Variants in RPIA observed in about 807,000 individuals in gnomAD.
RPIA encodes ribose 5-phosphate isomerase A.
In RPIA, 29 loss-of-function variants were observed where a neutral mutation model predicts 37.8. The ratio of observed to expected loss-of-function variants is 0.77; its 90% CI spans 0.57 to 1.05. The LOEUF (loss-of-function observed/expected upper bound fraction) is 1.05, where lower values mean the gene tolerates loss of function less well. RPIA is among the 50% of genes least tolerant of loss of function. The probability of loss-of-function intolerance (pLI) is 0.00; values close to 1 mark genes in which losing one functional copy is unlikely to be tolerated. For missense variants in RPIA, 385 were observed against 413.6 expected (o/e 0.93, Z 0.60); for synonymous variants, 167 against 157.0 (o/e 1.06, Z -0.48).
intron 3 of RPIA, among the ~76,000 whole-genome samples, chr2:88,711,695 A>G (rs1672963709): frequency 6.6e-6 from 1 of 152,248 alleles, no homozygotes; most frequent in Non-Finnish European, 1.5e-5. Flanking sequence ...TACAAGAGAC[A>G]GCTTTACTGG....
At chr2:88,724,149 G>A (rs769622452) in intron 3 of RPIA, among the ~76,000 whole-genome samples, 8 of 152,144 alleles carry the variant, frequency 5.3e-5, no homozygotes, top group Non-Finnish European at 4.4e-5. Flanking sequence ...TTGGGGAAAA[G>A]GGAAAAGGAA....
chr2:88,693,288 G>A (rs754354026), intron 1 of RPIA, among the ~76,000 whole-genome samples: 5 of 152,138 alleles, frequency 3.3e-5, no homozygotes, highest in Non-Finnish European at 7.4e-5. Context: ...TCATGTATTT[G>A]ATTAAATAAA....
intron 1 of RPIA, among the ~76,000 whole-genome samples, chr2:88,696,557 T>A (rs1204519111): frequency 1.3e-5 from 2 of 151,862 alleles, no homozygotes; most frequent in Admixed American, 1.3e-4. Flanking sequence ...ATATTGTATA[T>A]CTTGTATATA....
At position 88,704,347 on chromosome 2, in the gene RPIA, C is replaced by T. The variant is rs534618623; in HGVS notation, c.402+4283C>T. Among the ~76,000 whole-genome samples, 4 of 152,312 alleles carry T rather than the reference C, an allele frequency of 2.6e-5. No homozygotes were observed. The East Asian group carries it at 5.8e-4, about 22-fold the overall frequency. On this transcript the variant is annotated intron_variant, in intron 3 of 8. Coordinates refer to ENST00000283646, the MANE Select transcript of RPIA (RefSeq NM_144563.3). ...AGGTTTAATTGGACTTGCAGTTCCA[C>T]GTGGCTGGGGAAGCCTCACAATCAT... is the stretch of plus-strand genomic sequence containing the variant.
chr2:88,691,803 C>A lies in RPIA; in HGVS notation c.105C>A (p.Asp35Glu). 6.3e-7 allele frequency: 1 copy of A among 1,594,982 alleles called. No individual in the cohort carries two copies. The highest frequency in any genetic ancestry group is 8.5e-7 in the Non-Finnish European group (1 of 1,173,250). ...CCGGCGGAGGAGGGAACAGCTGGGA[C>A]CTCCCGGGTTCCCACGTGCGGCTGC... ...AASGGGGNSW[D>E]LPGSHVRLPG... Residue 35 changes from aspartate to glutamate, a missense_variant, in exon 1 of 9, where the codon GAC becomes GAA. By Grantham distance (45) the Asp-to-Glu change is conservative. Transcript: ENST00000283646.
chr2:88,729,367 G>C lies in RPIA; in HGVS notation c.462+30G>C, dbSNP rs1573474363. ...GATTGCCACTCAGAGGCAGACCACT[G>C]CGTATTTCTTTCCGCTTTTTTATGG... On this transcript the variant is annotated intron_variant, in intron 4 of 8. Coordinates refer to ENST00000283646, the MANE Select transcript of RPIA (RefSeq NM_144563.3). 5 of 1,605,810 alleles carry C rather than the reference G, an allele frequency of 3.1e-6. No homozygotes were observed. In the East Asian group the frequency reaches 1.1e-4, roughly 36 times the overall value.
At chr2:88,724,784 C>T (rs1214196605) in intron 3 of RPIA, among the ~76,000 whole-genome samples, 1 of 152,146 alleles carries the variant, frequency 6.6e-6, no homozygotes, top group Non-Finnish European at 1.5e-5. Flanking sequence ...AGGTAAAGTA[C>T]CTGAAAGCCA....
chr2:88,742,932 A>G (rs540414090), intron 8 of RPIA, among the ~76,000 whole-genome samples: 1 of 152,152 alleles, frequency 6.6e-6, no homozygotes, highest in Non-Finnish European at 1.5e-5. Context: ...TATCAGATCT[A>G]AGAGCTTTTT....
At chr2:88,741,709 A>ATTCCCTTTT (rs916243921) in intron 8 of RPIA, among the ~76,000 whole-genome samples, 2 of 152,182 alleles carry the variant, frequency 1.3e-5, no homozygotes, top group African/African-American at 2.4e-5. Flanking sequence ...GTGTGAAAGT[A>ATTCCCTTTT]TTCCCTTTTC....
chr2:88,720,072 T>C (rs1673100408), intron 3 of RPIA, among the ~76,000 whole-genome samples: 1 of 152,170 alleles, frequency 6.6e-6, no homozygotes, highest in Non-Finnish European at 1.5e-5. Flanking sequence ...GATTGGCATC[T>C]TCTATGGGGC....
chr2:88,744,418 G>A (rs1466381345), intron 8 of RPIA, among the ~76,000 whole-genome samples: 1 of 151,988 alleles, frequency 6.6e-6, no homozygotes, highest in Non-Finnish European at 1.5e-5. Flanking sequence ...TTGTTTTGTA[G>A]CCTGTCATGT....
Position 88,750,632 on chromosome 2 carries a change from G to A in RPIA, c.*554G>A. On this transcript the variant is annotated 3_prime_UTR_variant, in exon 9 of 9. Transcript: ENST00000283646. Reference sequence around the variant, plus strand: ...GTTTATAAAACTGTGGAGTGGAGCGGTATGGTATGGAATGACTTGGAATGT... The same window carrying A: ...GTTTATAAAACTGTGGAGTGGAGCGATATGGTATGGAATGACTTGGAATGT... 1 of 403,278 alleles carries A rather than the reference G, an allele frequency of 2.5e-6. No individual in the cohort carries two copies. The highest frequency in any genetic ancestry group is 3.5e-5 in the East Asian group (1 of 28,178). 25.0% of individuals were successfully genotyped at this position (403,278 alleles called of 1,614,324 possible).
Position 88,691,682 on chromosome 2 carries a change from C to T in RPIA, c.-17C>T, listed in dbSNP as rs776488875. ...CCGGGGGCGGGACTTCAGCGGAGGC[C>T]GGAGCGAGGCGTCGGGATGCAGCGC... On this transcript the variant is annotated 5_prime_UTR_variant, in exon 1 of 9. Transcript: ENST00000283646. 4 of 1,567,356 alleles carry T rather than the reference C, an allele frequency of 2.6e-6. No homozygotes were observed. The highest frequency in any genetic ancestry group is 2.6e-6 in the Non-Finnish European group (3 of 1,165,864).
At chr2:88,718,710 C>G (rs749476704) in intron 3 of RPIA, among the ~76,000 whole-genome samples, 2 of 152,092 alleles carry the variant, frequency 1.3e-5, no homozygotes, top group African/African-American at 4.8e-5. Context: ...TGCCCCATTA[C>G]GAATGAAAAC....
intron 3 of RPIA, among the ~76,000 whole-genome samples, chr2:88,712,104 G>A (rs886167809): frequency 2.0e-5 from 3 of 152,186 alleles, no homozygotes; most frequent in Admixed American, 2.0e-4. Context: ...TGATTTTCAG[G>A]TTTTCTTTGG....
intron 3 of RPIA, among the ~76,000 whole-genome samples, chr2:88,721,892 A>G (rs1673136369): frequency 6.6e-6 from 1 of 151,484 alleles, no homozygotes; most frequent in Non-Finnish European, 1.5e-5. Context: ...TTAGTATATA[A>G]ATGGTTTTTT....
At chr2:88,727,166 C>G (rs1250007537) in intron 3 of RPIA, among the ~76,000 whole-genome samples, 2 of 152,212 alleles carry the variant, frequency 1.3e-5, no homozygotes, top group Admixed American at 1.3e-4. Flanking sequence ...GCAGCCTTAC[C>G]CCTGCCCTCC....
rs1573471902 is a variant in RPIA, at chr2:88,724,089, G to A, written c.403-5189G>A. Among the ~76,000 whole-genome samples, 6 of 152,122 alleles carry A rather than the reference G, an allele frequency of 3.9e-5. No individual in the cohort carries two copies. The East Asian group carries it at 1.2e-3, about 29-fold the overall frequency. ...GCCCTAAGCAGTTCCCACCTTGATT[G>A]ATTTTGGGGCCTCAAGTTTTATTTT... On this transcript the variant is annotated intron_variant, in intron 3 of 8. Transcript: ENST00000283646.
At chr2:88,712,924 A>C (rs1227710034) in intron 3 of RPIA, among the ~76,000 whole-genome samples, 1 of 151,264 alleles carries the variant, frequency 6.6e-6, no homozygotes, top group Non-Finnish European at 1.5e-5. Flanking sequence ...GCTGGAGTGC[A>C]ATGGCATGAT....
Sources: gnomAD v4.1 joint callset for allele counts (sites outside exome capture counted in the v4.1 genomes callset) on GRCh38, gnomAD v4.1.1 for gene constraint, MANE v1.5 for transcripts, NCBI Gene and HGNC (gene_info 2026-07-23, HGNC 2026-07-21) for gene names.